The following KIF26B variants were observed in gnomAD, a reference collection of about 807,000 sequenced individuals.
The protein encoded by KIF26B is kinesin-like protein KIF26B.
Under a neutral mutation model 151.2 loss-of-function variants are expected in KIF26B, and 63 were observed. That is an observed-to-expected ratio of 0.42 (90% CI 0.34 to 0.51). The LOEUF (loss-of-function observed/expected upper bound fraction) is 0.51, where lower values mean the gene tolerates loss of function less well. Among genes scored for constraint, KIF26B ranks in the 20% least tolerant of loss-of-function variants. The probability of loss-of-function intolerance (pLI) is 0.07; values close to 1 mark genes in which losing one functional copy is unlikely to be tolerated. For synonymous variants in KIF26B, 1,357 were observed against 1,262.1 expected, an observed-to-expected ratio of 1.08 and a Z score of -1.59; for missense variants, 2,813 against 2,913.6, an observed-to-expected ratio of 0.97 and a Z score of 0.79.
rs71636568 is a variant in KIF26B, at chr1:245,495,857, C to A, written c.1167-44910C>A. On this transcript the variant is annotated intron_variant, in intron 4 of 14. Coordinates refer to ENST00000407071, the MANE Select transcript of KIF26B (RefSeq NM_018012.4). The surrounding 1 kb of genome is among the most constrained non-coding windows in gnomAD (Gnocchi z 4.2). ...ATTCATTATTTTTAAAGGAGCAACA[C>A]TAAGACAGTAACTCATTTCTCAACA... Among the ~76,000 whole-genome samples, 5,040 of 152,252 alleles carry A rather than the reference C, an allele frequency of 0.033. 132 individuals carry two copies. The highest frequency in any genetic ancestry group is 0.05 in the Non-Finnish European group (3,380 of 68,006).
intron 5 of KIF26B, among the ~76,000 whole-genome samples, chr1:245,584,251 C>T (rs1183908722): frequency 2.6e-5 from 4 of 152,160 alleles, no homozygotes; most frequent in African/African-American, 9.7e-5. Flanking sequence ...GTCAGAGCTC[C>T]CTGAGGCTTC....
At chr1:245,322,651 T>TA (rs1671912209) in intron 2 of KIF26B, among the ~76,000 whole-genome samples, 1 of 152,226 alleles carries the variant, frequency 6.6e-6, no homozygotes, top group Non-Finnish European at 1.5e-5. Flanking sequence ...ATGGCATATT[T>TA]AAACATTATT....
intron 4 of KIF26B, among the ~76,000 whole-genome samples, chr1:245,443,473 C>T (rs1208999644): frequency 1.9e-5 from 2 of 106,398 alleles, no homozygotes; most frequent in Non-Finnish European, 4.0e-5. Context: ...CGGTCATCTC[C>T]CTCACTGTTC....
At chr1:245,670,255 T>C (rs1347269973) in intron 10 of KIF26B, among the ~76,000 whole-genome samples, 2 of 42,150 alleles carry the variant, frequency 4.7e-5, no homozygotes, top group East Asian at 1.5e-3. Context: ...CATATATATA[T>C]ATATATATAT....
chr1:245,237,416 G>A (rs1038895077), intron 2 of KIF26B, among the ~76,000 whole-genome samples: 3 of 152,104 alleles, frequency 2.0e-5, no homozygotes, highest in Non-Finnish European at 4.4e-5. Flanking sequence ...TGGAGTTTTT[G>A]TAACGGGAAA....
intron 3 of KIF26B, among the ~76,000 whole-genome samples, chr1:245,387,135 C>G (rs1673566971): frequency 6.6e-6 from 1 of 151,292 alleles, no homozygotes; most frequent in Non-Finnish European, 1.5e-5. Flanking sequence ...GCTGTATTAT[C>G]TGACCTAGGT....
At chr1:245,208,006 G>A (rs573185460) in intron 2 of KIF26B, among the ~76,000 whole-genome samples, 2 of 152,304 alleles carry the variant, frequency 1.3e-5, no homozygotes, top group African/African-American at 4.8e-5. Context: ...CTGTGTGCCC[G>A]AGCCCTACCT....
intron 2 of KIF26B, among the ~76,000 whole-genome samples, chr1:245,307,424 G>A (rs1671575849): frequency 6.6e-6 from 1 of 151,860 alleles, no homozygotes; most frequent in Non-Finnish European, 1.5e-5. Flanking sequence ...TTTTGTCTTG[G>A]GTGATAAGCC....
chr1:245,456,216 G>GT (rs1404882365), intron 4 of KIF26B, among the ~76,000 whole-genome samples: 1 of 152,124 alleles, frequency 6.6e-6, no homozygotes, highest in Non-Finnish European at 1.5e-5. Context: ...AAATATCCGT[G>GT]AAGACTCTAG....
intron 4 of KIF26B, among the ~76,000 whole-genome samples, chr1:245,437,940 C>T (rs1337793993): frequency 2.0e-5 from 3 of 152,136 alleles, no homozygotes; most frequent in Non-Finnish European, 4.4e-5. Flanking sequence ...AATTTAGTCC[C>T]ATTATTTTTT....
chr1:245,493,015 G>A lies in KIF26B; in HGVS notation c.1167-47752G>A, dbSNP rs143464155. On this transcript the variant is annotated intron_variant, in intron 4 of 14. Transcript: ENST00000407071. ...AGGATGGTCTTGATCTCCTGACCTC[G>A]TCATCCACCTGCCTCGGCTTCCCAA... Among the ~76,000 whole-genome samples, 63 of 152,114 alleles carry A rather than the reference G, an allele frequency of 4.1e-4. No homozygotes were observed. In the East Asian group the frequency reaches 9.1e-3, roughly 22 times the overall value.
intron 10 of KIF26B, among the ~76,000 whole-genome samples, chr1:245,657,468 A>G (rs988632887): frequency 6.6e-6 from 1 of 152,152 alleles, no homozygotes; most frequent in Non-Finnish European, 1.5e-5. Flanking sequence ...TTTTCTTTAC[A>G]TTCCACATAG....
intron 5 of KIF26B, among the ~76,000 whole-genome samples, chr1:245,584,343 T>C (rs1258254395): frequency 6.8e-6 from 1 of 146,128 alleles, no homozygotes; most frequent in East Asian, 2.0e-4. Context: ...TCTTTATAAA[T>C]ACCCAGACTT....
intron 2 of KIF26B, among the ~76,000 whole-genome samples, chr1:245,249,263 A>AT (rs1432820667): frequency 2.0e-5 from 3 of 151,648 alleles, no homozygotes; most frequent in African/African-American, 4.8e-5. Flanking sequence ...TGCCTGGCTA[A>AT]TTTTTTGTAT....
chr1:245,578,626 T>C (rs1446876271), intron 5 of KIF26B, among the ~76,000 whole-genome samples: 1 of 152,216 alleles, frequency 6.6e-6, no homozygotes, highest in Admixed American at 6.5e-5. Context: ...ATTAGAAGCT[T>C]TCCTGCTGGG....
chr1:245,391,103 T>C (rs898338811), intron 3 of KIF26B, among the ~76,000 whole-genome samples: 26 of 152,088 alleles, frequency 1.7e-4, no homozygotes, highest in African/African-American at 5.8e-4. Context: ...TACTATATTA[T>C]GGAATGGGTC....
chr1:245,411,980 C>T (rs895577859), intron 3 of KIF26B, among the ~76,000 whole-genome samples: 9 of 152,098 alleles, frequency 5.9e-5, no homozygotes, highest in Admixed American at 5.2e-4. Flanking sequence ...TTGATCCGGG[C>T]GTGCATTGTT....
intron 2 of KIF26B, among the ~76,000 whole-genome samples, chr1:245,160,653 G>T (rs1177948629): frequency 6.8e-6 from 1 of 147,380 alleles, no homozygotes; most frequent in Non-Finnish European, 1.5e-5. Flanking sequence ...AATCTTTTAT[G>T]TAAAAAAAAA....
rs1325906636 is a variant in KIF26B at position 245,408,070 on chromosome 1, G to A, written c.1000-11509G>A. ...TGCCCAATAGAAGAGCCGCCCCCAG[G>A]TGATTCTGTACATAGGAGCTGGCCT... On this transcript the variant is annotated intron_variant, in intron 3 of 14. Coordinates refer to ENST00000407071, the MANE Select transcript of KIF26B (RefSeq NM_018012.4). Among the ~76,000 whole-genome samples, 36 of 152,194 alleles carry A rather than the reference G, an allele frequency of 2.4e-4. 1 individual carries two copies. The highest frequency in any genetic ancestry group is 2.4e-3 in the Admixed American group (36 of 15,288).
Sources: allele counts gnomAD v4.1 joint callset (sites outside exome capture counted in the v4.1 genomes callset), GRCh38; gene constraint gnomAD v4.1.1; non-coding constraint Gnocchi (gnomAD v3.1); transcripts MANE v1.5; gene names NCBI Gene and HGNC (gene_info 2026-07-23, HGNC 2026-07-21).